Variants in ACYP2 observed in about 807,000 individuals in gnomAD.
The protein encoded by ACYP2 is acylphosphatase-2.
Under a neutral mutation model 11.2 loss-of-function variants are expected in ACYP2, and 12 were observed. The observed-to-expected ratio is 1.08, with a 90% CI of 0.69 to 1.74. ACYP2 has a LOEUF of 1.74. ACYP2 is among the 40% of genes most tolerant of loss of function. The probability of loss-of-function intolerance (pLI) is 0.00; values close to 1 mark genes in which losing one functional copy is unlikely to be tolerated. For missense variants in ACYP2, 134 were observed against 101.9 expected, an observed-to-expected ratio of 1.31 and a Z score of -1.35; for synonymous variants, 43 against 32.2, an observed-to-expected ratio of 1.33 and a Z score of -1.13.
intron 3 of ACYP2, among the ~76,000 whole-genome samples, chr2:54,052,046 CAATAAATA>C (rs58161337): frequency 0.068 from 9,625 of 141,102 alleles, 1,036 homozygotes; most frequent in African/African-American, 0.23. Flanking sequence ...GACTCTGTCT[CAATAAATA>C]AATAAATAAA....
intron 4 of ACYP2, among the ~76,000 whole-genome samples, chr2:54,112,212 G>A (rs1679497696): frequency 1.3e-5 from 2 of 152,016 alleles, no homozygotes; most frequent in Admixed American, 1.3e-4. Flanking sequence ...CAAACCAATT[G>A]TCTTAAAGGG....
chr2:54,168,242 T>C (rs1683083335), intron 6 of ACYP2, among the ~76,000 whole-genome samples: 1 of 151,950 alleles, frequency 6.6e-6, no homozygotes, highest in Non-Finnish European at 1.5e-5. Flanking sequence ...CTGGCCAACA[T>C]GGTGAAACCA....
intron 4 of ACYP2, among the ~76,000 whole-genome samples, chr2:54,081,393 A>G (rs1215573727): frequency 1.3e-5 from 2 of 152,220 alleles, no homozygotes; most frequent in South Asian, 4.1e-4. Context: ...CGGTAGCCCC[A>G]TAAGATTATA....
At chr2:54,189,110 A>C (rs1684130112) in intron 6 of ACYP2, among the ~76,000 whole-genome samples, 1 of 152,324 alleles carries the variant, frequency 6.6e-6, no homozygotes, top group Middle Eastern at 3.4e-3. Context: ...GTGGATAGTA[A>C]AATGGTTACT....
At chr2:54,101,358 G>A (rs2103701885) in intron 4 of ACYP2, among the ~76,000 whole-genome samples, 1 of 151,978 alleles carries the variant, frequency 6.6e-6, no homozygotes, top group South Asian at 2.1e-4. Context: ...TCTTCCCCTT[G>A]GGAGAGATTT....
At chr2:54,191,834 C>T (rs896867163) in intron 6 of ACYP2, among the ~76,000 whole-genome samples, 1 of 152,098 alleles carries the variant, frequency 6.6e-6, no homozygotes, top group Non-Finnish European at 1.5e-5. Context: ...TAGCATGGAT[C>T]AATATGTAAG....
intron 2 of ACYP2, among the ~76,000 whole-genome samples, chr2:53,995,415 T>G (rs949048579): frequency 3.3e-5 from 5 of 152,056 alleles, no homozygotes; most frequent in African/African-American, 9.7e-5. Flanking sequence ...ATGAAATAAT[T>G]AAACTTAAAA....
At chr2:54,149,805 G>T (rs750295638) in intron 6 of ACYP2, among the ~76,000 whole-genome samples, 2 of 152,180 alleles carry the variant, frequency 1.3e-5, no homozygotes. Context: ...ATGATGAAAT[G>T]GTTACATGGC....
intron 4 of ACYP2, chr2:54,080,380 T>C (rs936184876): frequency 6.6e-6 from 1 of 152,260 alleles, no homozygotes; most frequent in Non-Finnish European, 1.5e-5. Context: ...TGCAGTTTCT[T>C]TGATGTCCTC....
intron 6 of ACYP2, among the ~76,000 whole-genome samples, chr2:54,153,491 C>T (rs1288764554): frequency 4.8e-5 from 6 of 123,748 alleles, no homozygotes; most frequent in African/African-American, 3.0e-5. Flanking sequence ...GTGTGTGGTT[C>T]TATATAAATT....
At chr2:54,051,111 C>A (rs1675842296) in intron 3 of ACYP2, 2 of 625,984 alleles carry the variant, frequency 3.2e-6, no homozygotes, top group Non-Finnish European at 5.7e-6. Context: ...GCTCTCACAG[C>A]CATTGCAGTA....
intron 6 of ACYP2, among the ~76,000 whole-genome samples, chr2:54,140,133 T>A (rs879607998): frequency 3.9e-5 from 6 of 152,188 alleles, no homozygotes; most frequent in African/African-American, 9.7e-5. Context: ...AAAAACAATA[T>A]TTTTAAGTAG....
chr2:54,175,744 G>A (rs911015529), intron 6 of ACYP2, among the ~76,000 whole-genome samples: 2 of 152,092 alleles, frequency 1.3e-5, no homozygotes, highest in African/African-American at 4.8e-5. Flanking sequence ...TTATTTCCCA[G>A]CATGCATCTG....
chr2:54,232,404 G>A (rs1292442081), intron 6 of ACYP2, among the ~76,000 whole-genome samples: 2 of 152,090 alleles, frequency 1.3e-5, no homozygotes, highest in Non-Finnish European at 2.9e-5. Flanking sequence ...GTCATTGACT[G>A]GCTTATCCCT....
chr2:54,018,607 G>A (rs148064627), intron 2 of ACYP2, among the ~76,000 whole-genome samples: 252 of 152,196 alleles, frequency 1.7e-3, no homozygotes, highest in African/African-American at 5.8e-3. Flanking sequence ...GAGGTTAAGA[G>A]TTTGAGAACA....
At chr2:54,059,208 T>C (rs1676334982) in intron 4 of ACYP2, among the ~76,000 whole-genome samples, 2 of 151,890 alleles carry the variant, frequency 1.3e-5, no homozygotes. Flanking sequence ...CTTTCTTTCT[T>C]TCTTTTTCTT....
At chr2:54,248,417 A>G (rs1260800383) in intron 6 of ACYP2, among the ~76,000 whole-genome samples, 1 of 152,210 alleles carries the variant, frequency 6.6e-6, no homozygotes, top group African/African-American at 2.4e-5. Flanking sequence ...ATTTACTTAA[A>G]GGGTCCACTT....
At chr2:54,206,993 G>C (rs1251022590) in intron 6 of ACYP2, among the ~76,000 whole-genome samples, 1 of 151,928 alleles carries the variant, frequency 6.6e-6, no homozygotes, top group Admixed American at 6.6e-5. Context: ...GAGTTCTCTA[G>C]AGAAGCAGAA....
intron 1 of ACYP2, among the ~76,000 whole-genome samples, chr2:53,971,516 A>C (rs540568517): frequency 1.3e-5 from 2 of 152,312 alleles, no homozygotes; most frequent in African/African-American, 4.8e-5. Flanking sequence ...AGAAGAAAAT[A>C]GTTACTCGCT....
Sources: allele counts gnomAD v4.1 joint callset (sites outside exome capture counted in the v4.1 genomes callset), GRCh38; gene constraint gnomAD v4.1.1; transcripts MANE v1.5; gene names NCBI Gene and HGNC (gene_info 2026-07-23, HGNC 2026-07-21).